TESMIN: variants seen among roughly 807,000 people sequenced by gnomAD.
The protein encoded by TESMIN is CXC domain containing 2.
A neutral mutation model predicts 47.4 loss-of-function variants in TESMIN; 34 were observed. The ratio of observed to expected loss-of-function variants is 0.72; its 90% CI spans 0.55 to 0.96. The LOEUF (loss-of-function observed/expected upper bound fraction) is 0.96. Among genes scored for constraint, TESMIN ranks in the 40% least tolerant of loss-of-function variants. TESMIN has a pLI of 0.00. For synonymous variants in TESMIN, 278 were observed against 258.9 expected (o/e 1.07, Z -0.71); for missense variants, 610 against 637.2 (o/e 0.96, Z 0.46).
intron 6 of TESMIN, among the ~76,000 whole-genome samples, chr11:68,727,451 C>T (rs1490604795): frequency 6.6e-6 from 1 of 151,942 alleles, no homozygotes; most frequent in Admixed American, 6.6e-5. Context: ...AAAACAAAAA[C>T]AAAACAAAAA....
intron 6 of TESMIN, among the ~76,000 whole-genome samples, chr11:68,727,546 T>A (rs983104164): frequency 2.6e-5 from 4 of 152,250 alleles, no homozygotes; most frequent in African/African-American, 9.6e-5. Flanking sequence ...CCTCTCTCCA[T>A]CCTAGTGGAC....
At chr11:68,711,206 G>C (rs1179142511) in intron 8 of TESMIN, among the ~76,000 whole-genome samples, 157 bp from the exon 9 acceptor site, 1 of 151,700 alleles carries the variant, frequency 6.6e-6, no homozygotes, top group Non-Finnish European at 1.5e-5. Context: ...GTGTGGGTGA[G>C]AGCGTGTGTT....
chr11:68,727,841 G>A (rs982892086), intron 6 of TESMIN, among the ~76,000 whole-genome samples: 2 of 152,150 alleles, frequency 1.3e-5, no homozygotes, highest in African/African-American at 2.4e-5. Context: ...TGCAATCCTC[G>A]TTCTTTGATG....
intron 6 of TESMIN, among the ~76,000 whole-genome samples, chr11:68,735,653 G>A (rs758954791): frequency 3.3e-5 from 5 of 152,090 alleles, no homozygotes; most frequent in Non-Finnish European, 7.4e-5. Context: ...TGTCCTATAC[G>A]GACTGTGCAC....
At position 68,738,315 on chromosome 11, in the gene TESMIN, C is replaced by T. The variant is rs182423012; in HGVS notation, c.917+385G>A. ...AGCTGGAGGGCACTCTGCAGCCCCC[C>T]GTTCATGCTGCATGGCTGCCACACC... is the stretch of plus-strand genomic sequence containing the variant. On this transcript the variant is annotated intron_variant, in intron 6 of 9. Coordinates refer to ENST00000255087, the MANE Select transcript of TESMIN (RefSeq NM_004923.3). 8,977 of 1,011,562 alleles carry T rather than the reference C, an allele frequency of 8.9e-3. 62 individuals are homozygous for T. Among genetic ancestry groups the T allele is most frequent in the Non-Finnish European group, 0.01 (8,468 of 845,168 alleles). The allele number at this position is 1,011,562 out of a possible 1,614,324, so 62.7% of individuals were successfully genotyped here.
At chr11:68,717,180 T>C (rs1484020044) in intron 6 of TESMIN, among the ~76,000 whole-genome samples, 1 of 152,244 alleles carries the variant, frequency 6.6e-6, no homozygotes, top group Admixed American at 6.5e-5. Context: ...TATTTTAAAA[T>C]AATATTTTAA....
rs1946418012 is a variant in TESMIN, at chr11:68,738,696, T to G, written c.917+4A>C. ...AGTGACAATGTATTGCTTCTAATCC[T>G]TACCCAGCCAAAGTTATTTTTGGTG... On this transcript the variant is annotated splice_donor_region_variant and intron_variant, in intron 6 of 9. Coordinates refer to ENST00000255087, the MANE Select transcript of TESMIN (RefSeq NM_004923.3). 1 of 1,613,896 alleles carries G rather than the reference T, an allele frequency of 6.2e-7. No individual in the cohort carries two copies.
intron 4 of TESMIN, among the ~76,000 whole-genome samples, chr11:68,743,586 T>C (rs1007072129): frequency 1.3e-5 from 2 of 152,134 alleles, no homozygotes; most frequent in Non-Finnish European, 2.9e-5. Flanking sequence ...TTCAAGTGGT[T>C]ACTAAGTTGT....
downstream of TESMIN, among the ~76,000 whole-genome samples, chr11:68,705,478 G>T (rs922605009): frequency 1.3e-5 from 2 of 152,238 alleles, no homozygotes; most frequent in Non-Finnish European, 2.9e-5. Flanking sequence ...ACCTTCCGCC[G>T]CCAACAGCAC....
downstream of TESMIN, among the ~76,000 whole-genome samples, chr11:68,705,339 A>T (rs563145369): frequency 6.6e-6 from 1 of 152,166 alleles, no homozygotes; most frequent in East Asian, 1.9e-4. Flanking sequence ...TAACTTGTTT[A>T]TTATGGTTTG....
At chr11:68,713,482 T>A in intron 7 of TESMIN, 75 bp from the exon 8 acceptor site, 1 of 1,519,638 alleles carries the variant, frequency 6.6e-7, no homozygotes, top group South Asian at 1.2e-5. Context: ...GCATCTCATT[T>A]GAATCTGATT....
At chr11:68,706,957 G>C (rs999093192), downstream of TESMIN, among the ~76,000 whole-genome samples, 55 of 152,166 alleles carry the variant, frequency 3.6e-4, 1 homozygote, top group Admixed American at 2.0e-4. Context: ...AAGGAGGCCA[G>C]GTGGCTCCCC....
chr11:68,744,776 A>G (rs1450009800), intron 4 of TESMIN: 1 of 347,866 alleles, frequency 2.9e-6, no homozygotes, highest in East Asian at 5.0e-5. Context: ...CATGAGGGAC[A>G]GCTATCCAAG....
intron 6 of TESMIN, among the ~76,000 whole-genome samples, chr11:68,721,922 C>T (rs181661790): frequency 6.6e-5 from 10 of 152,284 alleles, no homozygotes; most frequent in East Asian, 1.9e-4. Flanking sequence ...TGGAAAGATA[C>T]GGCAGTTCCT....
chr11:68,717,645 G>T (rs542935128), intron 6 of TESMIN, among the ~76,000 whole-genome samples: 2 of 152,316 alleles, frequency 1.3e-5, no homozygotes, highest in African/African-American at 4.8e-5. Context: ...GCAGGAAAGA[G>T]CTGGGAAGGA....
At chr11:68,736,979 TA>T in intron 6 of TESMIN, 1 of 985,360 alleles carries the variant, frequency 1.0e-6, no homozygotes, top group Non-Finnish European at 1.2e-6. Flanking sequence ...AGCACGCAAT[TA>T]AAGTATGAGA....
Position 68,750,311 on chromosome 11 carries a change from G to A in TESMIN, c.350C>T (p.Pro117Leu), listed in dbSNP as rs749607646. Residue 117 changes from proline (P) to leucine (L), a missense_variant, in exon 2 of 10, where the codon CCG becomes CTG. Transcript: ENST00000255087. ...CAGGAAGTGCACGTTGCAGGCGGGC[G>A]GCTGCGGGGCCTGCAGGAGCGCGAC... ...EDVALLQAPQ[P>L]PACNVHFLSS... is the part of the protein sequence containing the mutation. 3 of 1,520,976 alleles carry A rather than the reference G, an allele frequency of 2.0e-6. No individual in the cohort carries two copies. The highest frequency in any genetic ancestry group is 1.3e-5 in the South Asian group (1 of 78,852). The allele number at this position is 1,520,976 out of a possible 1,614,324, so 94.2% of individuals were successfully genotyped here. A position where few individuals can be genotyped will look rare whatever the true frequency, so the allele number is the denominator to read the frequency against.
At chr11:68,712,270 G>T (rs936359450) in intron 8 of TESMIN, among the ~76,000 whole-genome samples, 1 of 152,246 alleles carries the variant, frequency 6.6e-6, no homozygotes, top group Non-Finnish European at 1.5e-5. Context: ...GGTGCGATTG[G>T]AAGTGGTTCC....
chr11:68,748,623 AACT>A, intron 2 of TESMIN, among the ~76,000 whole-genome samples: 1 of 152,378 alleles, frequency 6.6e-6, no homozygotes, highest in Admixed American at 6.5e-5. Flanking sequence ...GGAAATTAGC[AACT>A]GATCCTGAAT....
Sources: gnomAD v4.1 joint callset for allele counts (sites outside exome capture counted in the v4.1 genomes callset) on GRCh38, gnomAD v4.1.1 for gene constraint, MANE v1.5 for transcripts, NCBI Gene and HGNC (gene_info 2026-07-23, HGNC 2026-07-21) for gene names.